The following EYA4 variants were observed in gnomAD, a reference collection of about 807,000 sequenced individuals.
The protein encoded by EYA4 is protein phosphatase EYA4.
In EYA4, 31 loss-of-function variants were observed where a neutral mutation model predicts 87.9. That is an observed-to-expected ratio of 0.35 (90% CI 0.27 to 0.48). EYA4 has a LOEUF of 0.48. Ranked by LOEUF, EYA4 falls within the 20% of genes least tolerant of loss-of-function variation. The probability of loss-of-function intolerance (pLI) is 0.99; values close to 1 mark genes in which losing one functional copy is unlikely to be tolerated. For missense variants in EYA4, 678 were observed against 761.4 expected, an observed-to-expected ratio of 0.89 and a Z score of 1.29; for synonymous variants, 263 against 270.6, an observed-to-expected ratio of 0.97 and a Z score of 0.28.
intron 1 of EYA4, among the ~76,000 whole-genome samples, chr6:133,271,983 C>T (rs767805024): frequency 3.3e-5 from 5 of 152,180 alleles, no homozygotes; most frequent in South Asian, 2.1e-4. Context: ...TTTCCAATCC[C>T]GCTTCTTCCA....
chr6:133,278,588 T>C (rs1777372193), intron 2 of EYA4, among the ~76,000 whole-genome samples: 1 of 152,202 alleles, frequency 6.6e-6, no homozygotes, highest in African/African-American at 2.4e-5. Context: ...AAAGCCAAAA[T>C]GTTATTCTCA....
At chr6:133,347,453 T>G (rs925299662) in intron 2 of EYA4, among the ~76,000 whole-genome samples, 1 of 152,186 alleles carries the variant, frequency 6.6e-6, no homozygotes, top group African/African-American at 2.4e-5. Flanking sequence ...AAATGGAGAT[T>G]TACAGTGGTA....
At chr6:133,450,326 C>G (rs1385558585) in intron 5 of EYA4, among the ~76,000 whole-genome samples, 1 of 152,064 alleles carries the variant, frequency 6.6e-6, no homozygotes, top group Non-Finnish European at 1.5e-5. Flanking sequence ...GTGACACAGA[C>G]TAAGCATTTG....
At chr6:133,294,262 C>T (rs1490435536) in intron 2 of EYA4, among the ~76,000 whole-genome samples, 1 of 150,262 alleles carries the variant, frequency 6.7e-6, no homozygotes, top group Admixed American at 6.6e-5. Context: ...CTCGAAATAA[C>T]TACATAGGAC....
chr6:133,274,322 C>T (rs190911978), intron 1 of EYA4, among the ~76,000 whole-genome samples: 2 of 152,278 alleles, frequency 1.3e-5, no homozygotes, highest in Admixed American at 6.5e-5. Flanking sequence ...TTAAAATGCA[C>T]ACTTACTTTT....
intron 17 of EYA4, among the ~76,000 whole-genome samples, chr6:133,522,128 AAG>A (rs1800223186): frequency 6.6e-6 from 1 of 151,208 alleles, no homozygotes; most frequent in South Asian, 2.1e-4. Flanking sequence ...TAAAAAAAAA[AAG>A]GAAAAAAAAA....
chr6:133,354,632 C>T (rs2184783), intron 2 of EYA4, among the ~76,000 whole-genome samples: 49,937 of 151,950 alleles, frequency 0.33, 8,618 homozygotes, highest in African/African-American at 0.43. Flanking sequence ...TTTCCATTGC[C>T]GTATATTGCT....
intron 5 of EYA4, among the ~76,000 whole-genome samples, chr6:133,455,186 G>A (rs1793796659): frequency 6.6e-6 from 1 of 151,992 alleles, no homozygotes; most frequent in African/African-American, 2.4e-5. Context: ...TTATTGATAA[G>A]GTATAACCAT....
At chr6:133,466,410 A>G (rs1306296600) in intron 10 of EYA4, among the ~76,000 whole-genome samples, 1 of 152,126 alleles carries the variant, frequency 6.6e-6, no homozygotes, top group Non-Finnish European at 1.5e-5. Flanking sequence ...TTTGGCTCAT[A>G]CCTATTGAGT....
chr6:133,311,040 A>C (rs979761675), intron 2 of EYA4, among the ~76,000 whole-genome samples: 1 of 152,172 alleles, frequency 6.6e-6, no homozygotes, highest in Non-Finnish European at 1.5e-5. Context: ...TAGTATTTCA[A>C]GCCTAAACCT....
intron 2 of EYA4, among the ~76,000 whole-genome samples, chr6:133,307,064 A>C (rs992056995): frequency 6.6e-6 from 1 of 152,212 alleles, no homozygotes; most frequent in African/African-American, 2.4e-5. Context: ...AATAGTTTGA[A>C]ATGTATTTAA....
intron 5 of EYA4, among the ~76,000 whole-genome samples, chr6:133,455,520 T>C (rs1404706551): frequency 6.6e-6 from 1 of 152,182 alleles, no homozygotes; most frequent in African/African-American, 2.4e-5. Flanking sequence ...TTTCTATCAA[T>C]TAATTTCTTT....
intron 5 of EYA4, among the ~76,000 whole-genome samples, chr6:133,449,586 C>T (rs1280985866): frequency 6.6e-6 from 1 of 152,188 alleles, no homozygotes; most frequent in African/African-American, 2.4e-5. Context: ...GCGTCAGGGC[C>T]ACTGTGGATC....
intron 2 of EYA4, among the ~76,000 whole-genome samples, chr6:133,286,913 G>GT (rs1778108905): frequency 1.3e-5 from 2 of 151,974 alleles, no homozygotes; most frequent in African/African-American, 4.8e-5. Context: ...TTGGGGAGGG[G>GT]TGCTGTCCTG....
intron 2 of EYA4, among the ~76,000 whole-genome samples, chr6:133,301,478 A>G (rs1428640696): frequency 1.3e-5 from 2 of 152,204 alleles, no homozygotes; most frequent in Non-Finnish European, 2.9e-5. Context: ...GAAGAAAACA[A>G]TGTTCTAATA....
At chr6:133,518,087 G>A (rs915748362) in intron 17 of EYA4, among the ~76,000 whole-genome samples, 3 of 152,158 alleles carry the variant, frequency 2.0e-5, no homozygotes, top group Non-Finnish European at 4.4e-5. Context: ...GGACGCTGGA[G>A]CACGAGGACC....
chr6:133,476,071 G>A (rs1265811546), intron 11 of EYA4, among the ~76,000 whole-genome samples: 3 of 152,108 alleles, frequency 2.0e-5, no homozygotes, highest in Non-Finnish European at 2.9e-5. Flanking sequence ...ATGGGCACCC[G>A]TAATCTCAGC....
intron 1 of EYA4, among the ~76,000 whole-genome samples, chr6:133,263,643 G>A (rs1775975217): frequency 6.6e-6 from 1 of 152,194 alleles, no homozygotes; most frequent in African/African-American, 2.4e-5. Context: ...GTGGGAGGGA[G>A]ATATGTTTTG....
chr6:133,517,139 C>T (rs754511930), intron 17 of EYA4, among the ~76,000 whole-genome samples: 4 of 152,054 alleles, frequency 2.6e-5, no homozygotes, highest in South Asian at 2.1e-4. Flanking sequence ...CACCAAATGC[C>T]GCATGTTCTC....
Sources: allele counts gnomAD v4.1 joint callset (sites outside exome capture counted in the v4.1 genomes callset), GRCh38; gene constraint gnomAD v4.1.1; transcripts MANE v1.5; gene names NCBI Gene and HGNC (gene_info 2026-07-23, HGNC 2026-07-21).